The following MRPS21 variants were observed in gnomAD, a reference collection of about 807,000 sequenced individuals.
The protein encoded by MRPS21 is mitochondrial ribosomal protein S21.
In MRPS21, 8 loss-of-function variants were observed where a neutral mutation model predicts 9.9. The observed-to-expected ratio is 0.81, with a 90% CI of 0.47 to 1.45. MRPS21 has a LOEUF of 1.45. Ranked by LOEUF, MRPS21 falls within the 40% of genes most tolerant of loss-of-function variation. The probability of loss-of-function intolerance (pLI) is 0.00; values close to 1 mark genes in which losing one functional copy is unlikely to be tolerated. For missense variants in MRPS21, 101 were observed against 118.9 expected (o/e 0.85, Z 0.70); for synonymous variants, 40 against 40.3 (o/e 0.99, Z 0.03).
chr1:150,304,092 C>G, intron 2 of MRPS21: 1 of 375,506 alleles, frequency 2.7e-6, no homozygotes, highest in South Asian at 2.0e-5. Context: ...GGGTGGATCA[C>G]CTGAGGTCAG....
intron 2 of MRPS21, among the ~76,000 whole-genome samples, chr1:150,299,563 T>G (rs1654040305): frequency 6.6e-6 from 1 of 152,148 alleles, no homozygotes; most frequent in African/African-American, 2.4e-5. Context: ...CAAGTGATTC[T>G]CCTGCCTCAG....
In MRPS21 at chr1:150,294,284, A is replaced by G. The variant is rs147250128; in HGVS notation, c.-32-51A>G. 4 of 1,268,758 alleles carry G rather than the reference A, an allele frequency of 3.2e-6. No homozygotes were observed. The East Asian group carries it at 9.4e-5, about 30-fold the overall frequency. 78.6% of individuals were successfully genotyped at this position (1,268,758 alleles called of 1,614,324 possible). On this transcript the variant is annotated intron_variant, in intron 1 of 2. Coordinates refer to ENST00000614145, the MANE Select transcript of MRPS21 (RefSeq NM_031901.6). ...TAAGCCGCGCGGTGTAGTTTGTATT[A>G]TGTTGCGTTTCTCTTTCTGCTTTCC...
chr1:150,294,311 C>T (rs1653833653), intron 1 of MRPS21, 24 bp from the exon 2 acceptor site: 10 of 1,481,576 alleles, frequency 6.7e-6, no homozygotes, highest in Non-Finnish European at 9.4e-6. Context: ...CTGCTTTCCT[C>T]GCCCTTTCTC....
At chr1:150,302,635 C>A (rs1654186601) in intron 2 of MRPS21, among the ~76,000 whole-genome samples, 1 of 152,134 alleles carries the variant, frequency 6.6e-6, no homozygotes, top group Non-Finnish European at 1.5e-5. Flanking sequence ...TATTAGGTTG[C>A]CAGGCGCCCG....
chr1:150,298,994 T>C (rs1654015273), intron 2 of MRPS21, among the ~76,000 whole-genome samples: 1 of 152,066 alleles, frequency 6.6e-6, no homozygotes, highest in South Asian at 2.1e-4. Flanking sequence ...GAATGGTGGA[T>C]CACTTGAGGC....
Position 150,294,481 on chromosome 1 carries a change from ACT to A in MRPS21, c.83+37_83+38del, listed in dbSNP as rs782248711. ...GTTAAGGGACCAGAATCATGCCTAGACTCTCTGGGAAGTGCGGTGGTTATTCT... is the reference window on the plus strand; with the variant it reads ...GTTAAGGGACCAGAATCATGCCTAGACTCTGGGAAGTGCGGTGGTTATTCT... On this transcript the variant is annotated intron_variant, in intron 2 of 2. Transcript: ENST00000614145. The A allele has an allele frequency of 2.0e-3, 3,089 of 1,560,242 alleles. 15 individuals carry two copies. The highest frequency in any genetic ancestry group is 1.9e-3 in the Non-Finnish European group (2,151 of 1,131,834).
At chr1:150,295,521 T>A (rs188983664) in intron 2 of MRPS21, among the ~76,000 whole-genome samples, 4 of 152,256 alleles carry the variant, frequency 2.6e-5, no homozygotes, top group African/African-American at 7.2e-5. Flanking sequence ...AAAATCAAGA[T>A]GTGAAGTTGC....
intron 2 of MRPS21, among the ~76,000 whole-genome samples, chr1:150,307,709 G>T (rs587632473): frequency 6.6e-6 from 1 of 152,028 alleles, no homozygotes; most frequent in Non-Finnish European, 1.5e-5. Flanking sequence ...CTCGTGAGTC[G>T]CTAGCACTAC....
At chr1:150,296,994 G>A (rs782750605) in intron 2 of MRPS21, among the ~76,000 whole-genome samples, 3 of 152,078 alleles carry the variant, frequency 2.0e-5, no homozygotes, top group Non-Finnish European at 4.4e-5. Flanking sequence ...ACCACAGTGA[G>A]GAAAAAAATG....
chr1:150,303,594 A>G (rs509345), intron 2 of MRPS21, among the ~76,000 whole-genome samples: 88,821 of 152,000 alleles, frequency 0.58, 27,427 homozygotes, highest in African/African-American at 0.76. Context: ...GCACTTTACT[A>G]AAGACCTGAA....
At chr1:150,296,708 T>G (rs943015201) in intron 2 of MRPS21, among the ~76,000 whole-genome samples, 2 of 152,100 alleles carry the variant, frequency 1.3e-5, no homozygotes, top group Non-Finnish European at 2.9e-5. Flanking sequence ...TATTGAATGG[T>G]GGAGAGGAGC....
At chr1:150,306,123 A>G (rs1360390626) in intron 2 of MRPS21, among the ~76,000 whole-genome samples, 1 of 152,336 alleles carries the variant, frequency 6.6e-6, no homozygotes, top group Non-Finnish European at 1.5e-5. Flanking sequence ...CCAGAGTGAC[A>G]TGATCTGATT....
At chr1:150,308,011 T>C (rs1553858786) in intron 2 of MRPS21, 37 bp from the exon 3 acceptor site, 1 of 1,495,986 alleles carries the variant, frequency 6.7e-7, no homozygotes, top group African/African-American at 1.4e-5. Flanking sequence ...ATAATGATGA[T>C]CCCAAATGTC....
chr1:150,296,311 C>T (rs1653913818), intron 2 of MRPS21, among the ~76,000 whole-genome samples: 1 of 152,200 alleles, frequency 6.6e-6, no homozygotes, highest in Non-Finnish European at 1.5e-5. Context: ...CCCTTCTCAC[C>T]AGTTGTGTGG....
intron 2 of MRPS21, among the ~76,000 whole-genome samples, chr1:150,301,536 C>T (rs1169259009): frequency 1.3e-5 from 2 of 152,186 alleles, no homozygotes; most frequent in East Asian, 3.8e-4. Context: ...CCCATAGACT[C>T]AGAGTCCCAT....
chr1:150,296,435 T>G (rs587710817), intron 2 of MRPS21, among the ~76,000 whole-genome samples: 4 of 152,328 alleles, frequency 2.6e-5, no homozygotes, highest in African/African-American at 9.6e-5. Flanking sequence ...AGGAAGGGGC[T>G]CCTGTAGTGC....
intron 2 of MRPS21, among the ~76,000 whole-genome samples, chr1:150,305,720 GA>G (rs1553858403): frequency 1.3e-5 from 2 of 152,054 alleles, no homozygotes; most frequent in Admixed American, 1.3e-4. Context: ...TCCGCTTCCC[GA>G]GTAGCTGGGA....
intron 2 of MRPS21, among the ~76,000 whole-genome samples, chr1:150,296,857 A>AC (rs1223607413): frequency 1.3e-5 from 2 of 152,126 alleles, no homozygotes; most frequent in Non-Finnish European, 2.9e-5. Flanking sequence ...TAAAAAAAAA[A>AC]CCAGAATCCT....
rs1238578760 is a variant in MRPS21 at position 150,307,373 on chromosome 1, T to C, written c.84-675T>C. Among the ~76,000 whole-genome samples, 43 of 5,982 alleles carry C rather than the reference T, an allele frequency of 7.2e-3. 1 individual carries two copies. Among genetic ancestry groups the C allele is most frequent in the Middle Eastern group, 0.1 (2 of 20 alleles). The allele number at this position is 5,982 out of a possible 152,430, so 3.9% of individuals were successfully genotyped here. ...CTTTTTTTTTTTTTTTTTTTTTTCC[T>C]TTGAGTCAAGGTGTCACTCTGTTGT... On this transcript the variant is annotated intron_variant, in intron 2 of 2. Coordinates refer to ENST00000614145, the MANE Select transcript of MRPS21 (RefSeq NM_031901.6).
Sources: gnomAD v4.1 joint callset for allele counts (sites outside exome capture counted in the v4.1 genomes callset) on GRCh38, gnomAD v4.1.1 for gene constraint, MANE v1.5 for transcripts, NCBI Gene and HGNC (gene_info 2026-07-23, HGNC 2026-07-21) for gene names.